Variants in UNKL observed in about 807,000 individuals in gnomAD.
The protein encoded by UNKL is unk like zinc finger, also known as putative E3 ubiquitin-protein ligase UNKL.
A neutral mutation model predicts 78.0 loss-of-function variants in UNKL; 60 were observed. The observed-to-expected ratio is 0.77, with a 90% CI of 0.63 to 0.95. The LOEUF is 0.95. Ranked by LOEUF, UNKL falls within the 40% of genes least tolerant of loss-of-function variation. The pLI, the probability that UNKL is intolerant of heterozygous loss-of-function variation, is 0.00. For synonymous variants in UNKL, 608 were observed against 474.8 expected, an observed-to-expected ratio of 1.28 and a Z score of -3.65; for missense variants, 1,159 against 1,045.7, an observed-to-expected ratio of 1.11 and a Z score of -1.49.
At position 1,403,417 on chromosome 16, in the gene UNKL, G is replaced by A. The variant is rs751964889; in HGVS notation, c.288-73C>T. 37 of 1,511,924 alleles carry A rather than the reference G, an allele frequency of 2.4e-5. No homozygotes were observed. The highest frequency in any genetic ancestry group is 3.2e-5 in the Non-Finnish European group (36 of 1,120,492). 93.7% of individuals were successfully genotyped at this position (1,511,924 alleles called of 1,614,324 possible). On this transcript the variant is annotated intron_variant, in intron 2 of 14. Coordinates refer to ENST00000389221, the MANE Select transcript of UNKL (RefSeq NM_001372107.1). The surrounding 1 kb of genome is among the most constrained non-coding windows in gnomAD (Gnocchi z 4.8). The stretch of plus-strand genomic sequence containing the variant: ...GCAGCCCTAAGCTCCCTGGGTCCAC[G>A]CCCTGTCAGCACGTGGCAAGCAGTG...
intron 10 of UNKL, 94 bp downstream of exon 10, chr16:1,385,114 G>A: frequency 2.9e-6 from 3 of 1,018,122 alleles, no homozygotes; most frequent in Non-Finnish European, 3.8e-6. Flanking sequence ...TGACGATTCT[G>A]TAACATGTCC....
chr16:1,404,158 G>A (rs1442890875), intron 2 of UNKL, among the ~76,000 whole-genome samples: 2 of 152,180 alleles, frequency 1.3e-5, no homozygotes, highest in Non-Finnish European at 1.5e-5. Flanking sequence ...AGTCATCAAT[G>A]GTGTCGAGCC....
intron 6 of UNKL, chr16:1,394,482 C>T (rs1053978255): frequency 1.7e-5 from 11 of 639,420 alleles, no homozygotes; most frequent in East Asian, 9.4e-5. Flanking sequence ...GTCATTTCCC[C>T]GCTTGATATT....
chr16:1,407,981 G>GGATCGC (rs1376618143), intron 2 of UNKL, among the ~76,000 whole-genome samples: 1 of 151,840 alleles, frequency 6.6e-6, no homozygotes, highest in Admixed American at 6.6e-5. Flanking sequence ...CTAGGCATAT[G>GGATCGC]GATCGCTTGG....
intron 2 of UNKL, among the ~76,000 whole-genome samples, chr16:1,408,259 TG>T (rs755963013): frequency 5.5e-5 from 2 of 36,358 alleles, no homozygotes; most frequent in Non-Finnish European, 1.3e-4. Flanking sequence ...ACATGGGAGC[TG>T]CCCCCCCCCC....
rs1469104792 is a variant in UNKL at position 1,399,839 on chromosome 16, G to A, written c.599-330C>T. On this transcript the variant is annotated intron_variant, in intron 4 of 14. Coordinates refer to ENST00000389221, the MANE Select transcript of UNKL (RefSeq NM_001372107.1). The surrounding 1 kb of genome is among the most constrained non-coding windows in gnomAD (Gnocchi z 5.8). Reference sequence around the variant, plus strand: ...GGCTTCCTTGCTGGGGGATGAAAATGTTCTCCAACTAGAGAGAGGTGATGT... The same window carrying A: ...GGCTTCCTTGCTGGGGGATGAAAATATTCTCCAACTAGAGAGAGGTGATGT... Among the ~76,000 whole-genome samples, 2 of 152,116 alleles carry A rather than the reference G, an allele frequency of 1.3e-5. No individual in the cohort carries two copies. Among genetic ancestry groups the A allele is most frequent in the East Asian group, 3.9e-4 (2 of 5,178 alleles).
At chr16:1,396,879 C>A (rs2037289546) in intron 6 of UNKL, among the ~76,000 whole-genome samples, 1 of 152,188 alleles carries the variant, frequency 6.6e-6, no homozygotes, top group Non-Finnish European at 1.5e-5. Context: ...CTACTGCACC[C>A]AGACCTGAAT....
chr16:1,382,251 C>T (rs2036631005), intron 10 of UNKL, among the ~76,000 whole-genome samples: 1 of 152,238 alleles, frequency 6.6e-6, no homozygotes, highest in Non-Finnish European at 1.5e-5. Context: ...AGACATCCCA[C>T]ACCACATGCT....
At chr16:1,402,190 C>T (rs1237315551) in intron 3 of UNKL, among the ~76,000 whole-genome samples, 4 of 149,722 alleles carry the variant, frequency 2.7e-5, no homozygotes, top group Middle Eastern at 3.2e-3. Context: ...AGCTGCCCTC[C>T]GGACCCAGAA....
At chr16:1,370,424 C>T (rs558134368) in intron 11 of UNKL, 67 bp from the exon 12 acceptor site, 48 of 1,486,642 alleles carry the variant, frequency 3.2e-5, no homozygotes, top group South Asian at 1.9e-4. Context: ...CTGCCATGGG[C>T]GGCAGCCGTG....
Position 1,378,617 on chromosome 16 carries a change from G to A in UNKL, c.1264+6591C>T, listed in dbSNP as rs144535157. Among the ~76,000 whole-genome samples the A allele has an allele frequency of 2.4e-3, 369 of 152,286 alleles. 1 individual carries two copies. The highest frequency in any genetic ancestry group is 3.8e-3 in the Non-Finnish European group (261 of 68,022). On this transcript the variant is annotated intron_variant, in intron 10 of 14. Transcript: ENST00000389221. ...TTCAATGCTCACCCGACAAACTACG[G>A]CTCGCACTCAACTCAGAGGGCGTCA...
chr16:1,377,067 G>A (rs538609701), intron 10 of UNKL, among the ~76,000 whole-genome samples: 47 of 151,968 alleles, frequency 3.1e-4, no homozygotes, highest in African/African-American at 1.1e-3. Context: ...CTGTCACCCA[G>A]GCTGGAGTGC....
intron 2 of UNKL, chr16:1,408,966 G>A (rs1391425143): frequency 6.6e-6 from 1 of 151,408 alleles, no homozygotes; most frequent in Admixed American, 6.6e-5. Flanking sequence ...GCCAAGGCTG[G>A]AGTGCAGTGG....
intron 7 of UNKL, among the ~76,000 whole-genome samples, chr16:1,393,747 A>G (rs562313600): frequency 6.6e-6 from 1 of 152,270 alleles, no homozygotes; most frequent in Non-Finnish European, 1.5e-5. Context: ...GCCTGGCAAG[A>G]TGGCAGTCTC....
At chr16:1,376,073 T>C (rs952622176) in intron 10 of UNKL, among the ~76,000 whole-genome samples, 9 of 151,436 alleles carry the variant, frequency 5.9e-5, no homozygotes, top group Non-Finnish European at 7.4e-5. Flanking sequence ...TCTTCCCTCC[T>C]CCCTCCAGGG....
chr16:1,395,643 C>A (rs1469608384), intron 6 of UNKL: 5 of 451,556 alleles, frequency 1.1e-5, no homozygotes, highest in Non-Finnish European at 2.2e-5. Flanking sequence ...TCCTTGTTTA[C>A]CTGGGGCGGG....
rs548670953 is a variant in UNKL at position 1,388,338 on chromosome 16, C to T, written c.1086+2294G>A. Among the ~76,000 whole-genome samples the T allele has an allele frequency of 5.9e-5, 9 of 152,292 alleles. No homozygotes were observed. The East Asian group carries it at 1.7e-3, about 29-fold the overall frequency. ...GGCTGGGACAGGCAGCCTCAGGCTC[C>T]CAAAGCGCTGCCCGGCCCAGGGTGA... On this transcript the variant is annotated intron_variant, in intron 9 of 14. Coordinates refer to ENST00000389221, the MANE Select transcript of UNKL (RefSeq NM_001372107.1).
rs574386835 is a variant in UNKL, at chr16:1,407,017, C to T, written c.288-3673G>A. Among the ~76,000 whole-genome samples the T allele has an allele frequency of 8.6e-5, 13 of 151,982 alleles. No homozygotes were observed. In the South Asian group the frequency reaches 2.1e-3, roughly 24 times the overall value. On this transcript the variant is annotated intron_variant, in intron 2 of 14. Coordinates refer to ENST00000389221, the MANE Select transcript of UNKL (RefSeq NM_001372107.1). ...CACAAAAATTAGTTGGGCATGGTGGCGCACGCCTGTAATCCCAGCTACTCG... is the reference window on the plus strand; with the variant it reads ...CACAAAAATTAGTTGGGCATGGTGGTGCACGCCTGTAATCCCAGCTACTCG...
intron 6 of UNKL, among the ~76,000 whole-genome samples, chr16:1,396,458 G>C (rs1269223176): frequency 6.5e-5 from 9 of 138,556 alleles, no homozygotes; most frequent in Admixed American, 3.8e-4. Context: ...AGCTAATTTT[G>C]GTATTTTTAG....
Sources: gnomAD v4.1 joint callset for allele counts (sites outside exome capture counted in the v4.1 genomes callset) on GRCh38, gnomAD v4.1.1 for gene constraint, Gnocchi (gnomAD v3.1) non-coding constraint, MANE v1.5 for transcripts, NCBI Gene and HGNC (gene_info 2026-07-23, HGNC 2026-07-21) for gene names.